CXCL13: variants seen among roughly 807,000 people sequenced by gnomAD.
The protein encoded by CXCL13 is C-X-C motif chemokine ligand 13.
Under a neutral mutation model 12.2 loss-of-function variants are expected in CXCL13, and 7 were observed. The ratio of observed to expected loss-of-function variants is 0.57; its 90% confidence interval spans 0.33 to 1.07. The LOEUF (loss-of-function observed/expected upper bound fraction) is 1.07. Ranked by LOEUF, CXCL13 falls within the 50% of genes least tolerant of loss-of-function variation. The pLI is 0.04. For missense variants in CXCL13, 113 were observed against 127.4 expected (o/e 0.89, Z 0.55); for synonymous variants, 47 against 42.4 (o/e 1.11, Z -0.42).
At chr4:77,528,622 C>T (rs188092102) in intron 1 of CXCL13, among the ~76,000 whole-genome samples, 5 of 151,946 alleles carry the variant, frequency 3.3e-5, no homozygotes, top group Admixed American at 6.6e-5. Flanking sequence ...TTTTGATGGG[C>T]CTGTTTGTTT....
At chr4:77,511,848 T>C (rs1019590900) in intron 1 of CXCL13, 8 of 152,234 alleles carry the variant, frequency 5.3e-5, no homozygotes, top group Non-Finnish European at 1.2e-4. Context: ...CTTCCAGAGT[T>C]AATGTCTATC....
chr4:77,607,317 T>C (rs1309281491), intron 1 of CXCL13, among the ~76,000 whole-genome samples: 1 of 152,208 alleles, frequency 6.6e-6, no homozygotes, highest in Non-Finnish European at 1.5e-5. Context: ...TGCTGTGTTT[T>C]TTTGAAAGCT....
intron 1 of CXCL13, among the ~76,000 whole-genome samples, chr4:77,526,810 C>T (rs940922041): frequency 5.9e-5 from 9 of 152,036 alleles, no homozygotes; most frequent in Admixed American, 5.9e-4. Context: ...GGGAGCCTTT[C>T]GTGAAGAAGA....
chr4:77,608,031 C>A (rs559056676), intron 2 of CXCL13, among the ~76,000 whole-genome samples, 196 bp downstream of exon 2: 11 of 152,292 alleles, frequency 7.2e-5, no homozygotes, highest in African/African-American at 2.6e-4. Flanking sequence ...GCTTTACATG[C>A]ACATACTCAT....
chr4:77,527,388 T>C (rs1386496825), intron 1 of CXCL13, among the ~76,000 whole-genome samples: 1 of 152,146 alleles, frequency 6.6e-6, no homozygotes, highest in Non-Finnish European at 1.5e-5. Context: ...TCCCAGCATT[T>C]TGGGAGGCTG....
upstream of CXCL13, among the ~76,000 whole-genome samples, chr4:77,605,602 C>T (rs561692202): frequency 6.6e-6 from 1 of 152,264 alleles, no homozygotes; most frequent in East Asian, 1.9e-4. Flanking sequence ...CAGATTTCTC[C>T]AGTGTCTCTG....
At chr4:77,579,862 A>G (rs534483931) in intron 1 of CXCL13, among the ~76,000 whole-genome samples, 2 of 152,314 alleles carry the variant, frequency 1.3e-5, no homozygotes, top group Non-Finnish European at 1.5e-5. Flanking sequence ...TTTGCCTGTT[A>G]TGAGCAATGC....
intron 1 of CXCL13, among the ~76,000 whole-genome samples, chr4:77,526,016 A>G (rs1434436616): frequency 6.6e-6 from 1 of 152,022 alleles, no homozygotes; most frequent in African/African-American, 2.4e-5. Flanking sequence ...AGAAACAATG[A>G]AAAAGCATTT....
At chr4:77,560,368 T>A (rs551018216) in intron 1 of CXCL13, among the ~76,000 whole-genome samples, 2 of 152,240 alleles carry the variant, frequency 1.3e-5, no homozygotes, top group South Asian at 4.1e-4. Flanking sequence ...TGCTTCTTTA[T>A]CTCCAACTGC....
At chr4:77,512,184 C>T (rs1398492929) in intron 1 of CXCL13, among the ~76,000 whole-genome samples, 3 of 152,228 alleles carry the variant, frequency 2.0e-5, no homozygotes, top group African/African-American at 7.2e-5. Context: ...AGCCTGCTTG[C>T]TGCCTCTTTA....
intron 1 of CXCL13, among the ~76,000 whole-genome samples, chr4:77,530,996 A>T (rs932786472): frequency 7.9e-5 from 12 of 151,862 alleles, no homozygotes; most frequent in Admixed American, 3.9e-4. Flanking sequence ...GTTGGTTTCA[A>T]AGAACATCCT....
intron 1 of CXCL13, among the ~76,000 whole-genome samples, chr4:77,597,775 A>G (rs1342545283): frequency 1.3e-5 from 2 of 152,164 alleles, no homozygotes; most frequent in Admixed American, 6.5e-5. Context: ...GCCACATTCT[A>G]TGTCCAAAGC....
At position 77,558,637 on chromosome 4, in the gene CXCL13, G is replaced by A. The variant is rs533144182; in HGVS notation, c.-43+46849G>A. On this transcript the variant is annotated intron_variant, in intron 1 of 4. Coordinates refer to the CXCL13 transcript ENST00000286758. ...CAAAGTGCTGGAATTACAGGAATGC[G>A]CCACCGCACTCAGCTGGAGTAAACC... is the stretch of plus-strand genomic sequence containing the variant. Among the ~76,000 whole-genome samples, 10 of 152,266 alleles carry A rather than the reference G, an allele frequency of 6.6e-5. 1 individual carries two copies. The South Asian group carries it at 1.5e-3, about 22-fold the overall frequency.
chr4:77,534,520 G>T (rs975647661), intron 1 of CXCL13, among the ~76,000 whole-genome samples: 1 of 152,184 alleles, frequency 6.6e-6, no homozygotes, highest in African/African-American at 2.4e-5. Context: ...CCACTTATGT[G>T]TCATTGGGAG....
upstream of CXCL13, among the ~76,000 whole-genome samples, chr4:77,602,661 T>C (rs1227851093): frequency 6.6e-6 from 1 of 151,908 alleles, no homozygotes; most frequent in Non-Finnish European, 1.5e-5. Flanking sequence ...AACTTCCCTA[T>C]AATTTTCTCA....
chr4:77,565,933 G>T (rs1044639972), intron 1 of CXCL13, among the ~76,000 whole-genome samples: 1 of 152,206 alleles, frequency 6.6e-6, no homozygotes, highest in Admixed American at 6.5e-5. Context: ...GGTAGCAATA[G>T]CATAAACAAA....
intron 1 of CXCL13, among the ~76,000 whole-genome samples, chr4:77,518,649 C>T (rs1279920288): frequency 1.3e-5 from 2 of 152,180 alleles, no homozygotes; most frequent in Non-Finnish European, 2.9e-5. Context: ...GCTTCATCAG[C>T]TCCTTTAAGC....
At chr4:77,521,610 C>T (rs1005072690) in intron 1 of CXCL13, among the ~76,000 whole-genome samples, 14 of 151,050 alleles carry the variant, frequency 9.3e-5, no homozygotes, top group Admixed American at 2.6e-4. Flanking sequence ...TCTTTCTTTT[C>T]TCTTTATTAG....
intron 1 of CXCL13, among the ~76,000 whole-genome samples, chr4:77,591,550 CA>C (rs780283463): frequency 0.091 from 4,433 of 48,556 alleles, 51 homozygotes; most frequent in African/African-American, 0.15. Flanking sequence ...GACTCCATCT[CA>C]AAAAAAAAAA....
Sources: allele counts gnomAD v4.1 joint callset (sites outside exome capture counted in the v4.1 genomes callset), GRCh38; gene constraint gnomAD v4.1.1; transcripts MANE v1.5; gene names NCBI Gene and HGNC (gene_info 2026-07-23, HGNC 2026-07-21).